The following ADAMTSL2 variants were observed in gnomAD, a reference collection of about 807,000 sequenced individuals.
ADAMTSL2 encodes ADAMTS-like protein 2.
Under a neutral mutation model 117.0 loss-of-function variants are expected in ADAMTSL2, and 55 were observed. That is an observed-to-expected ratio of 0.47 (90% CI 0.38 to 0.59). The LOEUF (loss-of-function observed/expected upper bound fraction) is 0.59. ADAMTSL2 is among the 20% of genes least tolerant of loss of function. ADAMTSL2 has a pLI of 0.00. For synonymous variants in ADAMTSL2, 572 were observed against 566.4 expected (o/e 1.01, Z -0.14); for missense variants, 1,182 against 1,354.5 (o/e 0.87, Z 2.00).
chr9:133,564,722 G>T (rs1246832938), intron 12 of ADAMTSL2, among the ~76,000 whole-genome samples: 5 of 149,424 alleles, frequency 3.3e-5, no homozygotes, highest in Middle Eastern at 3.3e-3. Context: ...GAGAGAGAGG[G>T]TGAGAGAGAG....
intron 12 of ADAMTSL2, 127 bp downstream of exon 12, chr9:133,561,422 C>T (rs1830725636): frequency 1.1e-5 from 9 of 832,420 alleles, no homozygotes; most frequent in Non-Finnish European, 1.8e-5. Flanking sequence ...TTGTCCGTGG[C>T]CTCCTGACTT....
At chr9:133,548,847 T>C (rs1270763422) in intron 9 of ADAMTSL2, among the ~76,000 whole-genome samples, 2 of 152,218 alleles carry the variant, frequency 1.3e-5, no homozygotes, top group Non-Finnish European at 2.9e-5. Flanking sequence ...CTTGGACCTA[T>C]GCGCTTTGCA....
chr9:133,564,382 GAGGGA>G (rs1284076539), intron 12 of ADAMTSL2, among the ~76,000 whole-genome samples: 25 of 65,138 alleles, frequency 3.8e-4, no homozygotes, highest in Non-Finnish European at 7.9e-4. Flanking sequence ...GAGGGAGAGA[GAGGGA>G]GAGAGAGAGG....
intron 8 of ADAMTSL2, among the ~76,000 whole-genome samples, 183 bp downstream of exon 8, chr9:133,544,733 A>G (rs1048392135): frequency 2.6e-5 from 4 of 152,090 alleles, no homozygotes; most frequent in Non-Finnish European, 5.9e-5. Context: ...GGGTGCTCAC[A>G]GGGGAGCCAG....
intron 8 of ADAMTSL2, 53 bp from the exon 9 acceptor site, chr9:133,546,985 G>C (rs1588286142): frequency 6.3e-7 from 1 of 1,592,466 alleles, no homozygotes; most frequent in South Asian, 1.1e-5. Context: ...GGTGACACTG[G>C]CTCCTCCCCC....
chr9:133,549,942 G>T (rs1020073290), intron 9 of ADAMTSL2, among the ~76,000 whole-genome samples: 1 of 152,160 alleles, frequency 6.6e-6, no homozygotes, highest in African/African-American at 2.4e-5. Flanking sequence ...TACTGCTACT[G>T]CCCCTCCTGC....
At chr9:133,542,903 A>G (rs1382772434) in intron 7 of ADAMTSL2, among the ~76,000 whole-genome samples, 1 of 152,192 alleles carries the variant, frequency 6.6e-6, no homozygotes, top group Admixed American at 6.5e-5. Flanking sequence ...ATTTAAATAC[A>G]TTATATTTAA....
rs9696099 is a variant in ADAMTSL2, at chr9:133,541,667, C to A, written c.682+666C>A. Among the ~76,000 whole-genome samples the A allele has an allele frequency of 2.3e-3, 344 of 152,326 alleles. 3 individuals carry two copies. Among genetic ancestry groups the A allele is most frequent in the African/African-American group, 7.9e-3 (327 of 41,578 alleles). ...GGATATGAGGTTTGACCCTGGCACG[C>A]TGGATTCTGGGGCCTGAGTTTCAGA... On this transcript the variant is annotated intron_variant, in intron 7 of 18. Coordinates refer to ENST00000651351, the MANE Select transcript of ADAMTSL2 (RefSeq NM_014694.4).
At chr9:133,541,802 C>G (rs1830231198) in intron 7 of ADAMTSL2, among the ~76,000 whole-genome samples, 1 of 152,254 alleles carries the variant, frequency 6.6e-6, no homozygotes, top group Admixed American at 6.5e-5. Context: ...GTGTCCAGCT[C>G]TGTCCCAGCC....
rs35999438 is a variant in ADAMTSL2 at position 133,559,510 on chromosome 9, AT to A, written c.1650-1673del. On this transcript the variant is annotated intron_variant, in intron 11 of 18. Coordinates refer to ENST00000651351, the MANE Select transcript of ADAMTSL2 (RefSeq NM_014694.4). ...AGGCGCCCGCCACCACACCCGGTGA[AT>A]TTTTTTTTTTTTTTGTATTTTTAGT... Among the ~76,000 whole-genome samples, 351 of 141,454 alleles carry A rather than the reference AT, an allele frequency of 2.5e-3. 1 individual carries two copies. Among genetic ancestry groups the A allele is most frequent in the Middle Eastern group, 7.1e-3 (2 of 280 alleles). 92.8% of individuals were successfully genotyped at this position (141,454 alleles called of 152,430 possible).
At chr9:133,564,093 G>GGAGA (rs1174459265) in intron 12 of ADAMTSL2, among the ~76,000 whole-genome samples, 1 of 16,094 alleles carries the variant, frequency 6.2e-5, no homozygotes, top group Non-Finnish European at 1.3e-4. Flanking sequence ...AGAGAGAGAG[G>GGAGA]GAGAGAGAGA....
At position 133,539,801 on chromosome 9, in the gene ADAMTSL2, G is replaced by T; in HGVS notation, c.340G>T (p.Glu114Ter). The T allele has an allele frequency of 6.5e-7, 1 of 1,545,990 alleles. No individual in the cohort carries two copies. The highest frequency in any genetic ancestry group is 8.7e-7 in the Non-Finnish European group (1 of 1,145,372). The change falls in exon 5 of 19, where the codon GAG becomes TAG. Residue 114 changes from glutamate to a stop codon, truncating the protein, a stop_gained. Coordinates refer to ENST00000651351, the MANE Select transcript of ADAMTSL2 (RefSeq NM_014694.4). LOFTEE classifies it high-confidence loss of function. ...TCCGCCGGACGGGAGGAGCTTCCGC[G>T]AGGAGCAGTGCGTCTCCTTCAACTC... ...ECPPDGRSFREEQCVSFNSHV... is the reference protein window; with the variant it reads ...ECPPDGRSFR
intron 12 of ADAMTSL2, among the ~76,000 whole-genome samples, chr9:133,566,295 G>C (rs1426270338): frequency 1.3e-5 from 2 of 152,214 alleles, no homozygotes; most frequent in African/African-American, 4.8e-5. Flanking sequence ...ACAAAAATTA[G>C]CCGGGTGTGG....
At position 133,554,276 on chromosome 9, in the gene ADAMTSL2, G is replaced by A; in HGVS notation, c.940-81G>A. On this transcript the variant is annotated intron_variant, in intron 9 of 18. Transcript: ENST00000651351. This position sits in a 1 kb window ranked among gnomAD's most constrained non-coding sequence, Gnocchi z 5.2. ...CCAGTCACAGCAGGGAACGCACCCTGCAGCTCTGTGGGAAGGGGATTGGTG... is the reference window on the plus strand; with the variant it reads ...CCAGTCACAGCAGGGAACGCACCCTACAGCTCTGTGGGAAGGGGATTGGTG... The A allele has an allele frequency of 7.6e-7, 1 of 1,309,990 alleles. No homozygotes were observed. Among genetic ancestry groups the A allele is most frequent in the Non-Finnish European group, 1.0e-6 (1 of 957,134 alleles). 81.1% of individuals were successfully genotyped at this position (1,309,990 alleles called of 1,614,324 possible).
intron 2 of ADAMTSL2, among the ~76,000 whole-genome samples, chr9:133,537,080 G>A (rs1290865204): frequency 6.6e-6 from 1 of 152,188 alleles, no homozygotes; most frequent in African/African-American, 2.4e-5. Context: ...AGGGTAGGCT[G>A]TGTCCTGCAG....
Position 133,569,433 on chromosome 9 carries a change from G to A in ADAMTSL2, c.2270G>A (p.Arg757His), listed in dbSNP as rs1176510639. 7.4e-6 allele frequency: 12 copies of A among 1,613,364 alleles called. No homozygotes were observed. The highest frequency in any genetic ancestry group is 9.3e-6 in the Non-Finnish European group (11 of 1,180,010). Residue 757 changes from arginine (R) to histidine (H), a missense_variant, in exon 16 of 19, where the codon CGC becomes CAC. By Grantham distance (29) the Arg-to-His change is conservative. Coordinates refer to ENST00000651351, the MANE Select transcript of ADAMTSL2 (RefSeq NM_014694.4). ...TGCAGTGGAAGCTGCGGGCAAGGCC[G>A]CACCATCAGGCACGTGTACTGCAAG... ...GPCSGSCGQG[R>H]TIRHVYCKTS...
At chr9:133,574,125 G>A (rs1220077046) in intron 18 of ADAMTSL2, 138 bp downstream of exon 18, 12 of 1,188,194 alleles carry the variant, frequency 1.0e-5, no homozygotes, top group Middle Eastern at 2.7e-4. Context: ...AAGCTGTGCA[G>A]GGAGTGGGGG....
At chr9:133,544,877 T>A (rs185595955) in intron 8 of ADAMTSL2, among the ~76,000 whole-genome samples, 52 of 152,248 alleles carry the variant, frequency 3.4e-4, no homozygotes, top group Non-Finnish European at 5.9e-4. Flanking sequence ...GCAGATGAGA[T>A]CCCTGTGGGG....
intron 8 of ADAMTSL2, among the ~76,000 whole-genome samples, chr9:133,545,586 C>G (rs1260776267): frequency 6.6e-6 from 1 of 152,214 alleles, no homozygotes; most frequent in Non-Finnish European, 1.5e-5. Context: ...GGGGGCTACT[C>G]CCTGGCCCGA....
Sources: allele counts gnomAD v4.1 joint callset (sites outside exome capture counted in the v4.1 genomes callset), GRCh38; gene constraint gnomAD v4.1.1; non-coding constraint Gnocchi (gnomAD v3.1); transcripts MANE v1.5; gene names NCBI Gene and HGNC (gene_info 2026-07-23, HGNC 2026-07-21).